The following TMEM130 variants were observed in gnomAD, a reference collection of about 807,000 sequenced individuals.
TMEM130 encodes transmembrane protein 130.
A neutral mutation model predicts 42.9 loss-of-function variants in TMEM130; 37 were observed. The observed-to-expected ratio is 0.86, with a 90% CI of 0.66 to 1.13. The LOEUF is 1.13. Among genes scored for constraint, TMEM130 ranks in the 50% most tolerant of loss-of-function variants. The pLI is 0.00. For synonymous variants in TMEM130, 259 were observed against 237.7 expected (o/e 1.09, Z -0.82); for missense variants, 545 against 562.6 (o/e 0.97, Z 0.32).
intron 7 of TMEM130, 64 bp downstream of exon 7, chr7:98,848,519 C>T (rs1554397727): frequency 1.7e-6 from 2 of 1,194,264 alleles, no homozygotes. Flanking sequence ...GCCCCCATAC[C>T]CTCTCTAAAC....
rs1554397576 is a variant in TMEM130 at position 98,847,862 on chromosome 7, G to A, written c.*194C>T. The A allele has an allele frequency of 3.4e-6, 2 of 583,400 alleles. No homozygotes were observed. Among genetic ancestry groups the A allele is most frequent in the African/African-American group, 1.9e-5 (1 of 53,452 alleles). The allele number at this position is 583,400 out of a possible 1,614,324, so 36.1% of individuals were successfully genotyped here. A position where few individuals can be genotyped will look rare whatever the true frequency, so the allele number is the denominator to read the frequency against. ...TGTCAGTGGCTGGACTGTACAGATG[G>A]GTGAATGGCTGGGGTCAGGGGTGAC... On this transcript the variant is annotated 3_prime_UTR_variant, in exon 8 of 8. Transcript: ENST00000339375.
Position 98,861,680 on chromosome 7 carries a change from C to A in TMEM130, c.392-1342G>T, listed in dbSNP as rs577114741. Reference sequence around the variant, plus strand: ...AGTGAGCCAAGATCACAGCACCACTCCAGCCTGGGCAACAGAAGGAGACTC... The same window carrying A: ...AGTGAGCCAAGATCACAGCACCACTACAGCCTGGGCAACAGAAGGAGACTC... On this transcript the variant is annotated intron_variant, in intron 2 of 7. Transcript: ENST00000339375. Among the ~76,000 whole-genome samples the A allele has an allele frequency of 2.0e-5, 3 of 152,162 alleles. No homozygotes were observed. The South Asian group carries it at 6.2e-4, about 32-fold the overall frequency.
rs1794829567 is a variant in TMEM130, at chr7:98,863,270, G to A, written c.216C>T (p.Phe72=). The A allele has an allele frequency of 5.0e-6, 8 of 1,613,776 alleles. No individual in the cohort carries two copies. Among genetic ancestry groups the A allele is most frequent in the African/African-American group, 1.3e-5 (1 of 74,912 alleles). Residue 72 remains phenylalanine, a synonymous_variant, in exon 2 of 8, where the codon TTC becomes TTT. Coordinates refer to ENST00000339375, the MANE Select transcript of TMEM130 (RefSeq NM_152913.3). The part of the protein sequence containing the change: ...ALPADAHLYR[F]HWIHTPLVLT... ...GCACCAGCGGGGTGTGGATCCAGTG[G>A]AAGCGGTAGAGGTGGGCGTCAGCGG...
intron 6 of TMEM130, among the ~76,000 whole-genome samples, chr7:98,850,350 T>C (rs1794472227): frequency 6.8e-6 from 1 of 147,780 alleles, no homozygotes; most frequent in African/African-American, 2.5e-5. Flanking sequence ...CAATCTCAGC[T>C]CACTGCAACC....
Position 98,860,189 on chromosome 7 carries a change from A to T in TMEM130, c.541T>A (p.Phe181Ile). ...GGGGTAAGGACCTACCCGTCCCCGA[A>T]GTCCCAGCTGTAGAGAAACAAGGCG... is the stretch of plus-strand genomic sequence containing the variant. Reference protein sequence around the residue: ...KTALFLYSWDFGDGTQMVTED... With the variant: ...KTALFLYSWDIGDGTQMVTED... Residue 181 changes from phenylalanine to isoleucine, a missense_variant, in exon 3 of 8, where the codon TTC (phenylalanine) becomes ATC (isoleucine). Phe to Ile is a conservative substitution (Grantham distance 21). Transcript: ENST00000339375. 1 of 1,613,226 alleles carries T rather than the reference A, an allele frequency of 6.2e-7. No homozygotes were observed.
rs994759857 is a variant in TMEM130, at chr7:98,848,609, C to A, written c.1093G>T (p.Ala365Ser). ...TCCACCATGTCCTTTTGCTGAGTGG[C>A]ATTCCGCAGGGTCATGTACATGATG... ...AFIMYMTLRN[A>S]TQQKDMVENP... Residue 365 changes from alanine to serine, a missense_variant, in exon 7 of 8, where the codon GCC becomes TCC. Physicochemically the swap from Ala to Ser is moderately conservative, Grantham distance 99. Coordinates refer to ENST00000339375, the MANE Select transcript of TMEM130 (RefSeq NM_152913.3). 4 of 1,613,766 alleles carry A rather than the reference C, an allele frequency of 2.5e-6. No individual in the cohort carries two copies. Among genetic ancestry groups the A allele is most frequent in the Non-Finnish European group, 3.4e-6 (4 of 1,179,674 alleles).
intron 5 of TMEM130, 107 bp downstream of exon 5, chr7:98,855,133 G>A (rs1584236921): frequency 1.1e-6 from 1 of 941,878 alleles, no homozygotes; most frequent in Admixed American, 2.7e-5. Context: ...CTTCCATGAG[G>A]TCCCAGACCT....
intron 5 of TMEM130, among the ~76,000 whole-genome samples, chr7:98,854,046 T>C (rs1554398607): frequency 6.6e-6 from 1 of 150,454 alleles, no homozygotes; most frequent in African/African-American, 2.4e-5. Flanking sequence ...TTTTTTGTTT[T>C]TTTTTTTTTT....
chr7:98,869,394 A>C lies in TMEM130; in HGVS notation c.85+383T>G. The C allele has an allele frequency of 1.4e-5, 17 of 1,188,076 alleles. No individual in the cohort carries two copies. The highest frequency in any genetic ancestry group is 1.6e-5 in the African/African-American group (1 of 61,378). The allele number at this position is 1,188,076 out of a possible 1,614,324, so 73.6% of individuals were successfully genotyped here. ...CCCGTGCTCCCTGGGGGACTGGGGAATTGTGGCGCGATGACGGACCCTGGC... is the reference window on the plus strand; with the variant it reads ...CCCGTGCTCCCTGGGGGACTGGGGACTTGTGGCGCGATGACGGACCCTGGC... On this transcript the variant is annotated intron_variant, in intron 1 of 7. Transcript: ENST00000339375. The surrounding 1 kb of genome is among the most constrained non-coding windows in gnomAD (Gnocchi z 4.7).
At chr7:98,849,045 A>C (rs1273641727) in intron 6 of TMEM130, among the ~76,000 whole-genome samples, 1 of 152,156 alleles carries the variant, frequency 6.6e-6, no homozygotes, top group Non-Finnish European at 1.5e-5. Context: ...CCTGAGTCTA[A>C]GCCATAAGAG....
At chr7:98,850,279 T>A (rs1554398026) in intron 6 of TMEM130, among the ~76,000 whole-genome samples, 11 of 73,538 alleles carry the variant, frequency 1.5e-4, no homozygotes, top group Non-Finnish European at 3.7e-4. Flanking sequence ...ATATATTTTT[T>A]TTTTTTTTTA....
chr7:98,850,530 C>T (rs576269747), intron 6 of TMEM130, among the ~76,000 whole-genome samples: 29 of 151,850 alleles, frequency 1.9e-4, no homozygotes, highest in Non-Finnish European at 3.7e-4. Flanking sequence ...CCACCCACCT[C>T]GGCCTCTCAA....
intron 2 of TMEM130, among the ~76,000 whole-genome samples, chr7:98,862,645 C>T (rs1794808217): frequency 6.6e-6 from 1 of 151,894 alleles, no homozygotes; most frequent in Non-Finnish European, 1.5e-5. Context: ...ATTATAGGTG[C>T]CCACCACCAT....
intron 3 of TMEM130, among the ~76,000 whole-genome samples, chr7:98,857,414 G>A (rs182472125): frequency 2.6e-5 from 4 of 152,118 alleles, no homozygotes; most frequent in Admixed American, 6.5e-5. Flanking sequence ...CACATTCCAC[G>A]TTTTGCCAGG....
intron 6 of TMEM130, among the ~76,000 whole-genome samples, chr7:98,850,273 A>ATTTTTTTTTTTTTTTTT (rs1554398023): frequency 1.1e-4 from 4 of 35,440 alleles, no homozygotes; most frequent in Non-Finnish European, 1.9e-4. Flanking sequence ...ATATATATAT[A>ATTTTTTTTTTTTTTTTT]TTTTTTTTTT....
At chr7:98,856,697 A>G (rs1460672873) in intron 3 of TMEM130, among the ~76,000 whole-genome samples, 13 of 151,832 alleles carry the variant, frequency 8.6e-5, no homozygotes, top group Admixed American at 7.9e-4. Flanking sequence ...AGGTCTTACT[A>G]TGTTGCCCAG....
chr7:98,854,561 A>G (rs1794585375), intron 5 of TMEM130, among the ~76,000 whole-genome samples: 1 of 152,218 alleles, frequency 6.6e-6, no homozygotes, highest in South Asian at 2.1e-4. Context: ...CAACATAGTG[A>G]GAACCCATCT....
chr7:98,855,287 T>G lies in TMEM130; in HGVS notation c.756A>C (p.Leu252=). 1 of 1,613,454 alleles carries G rather than the reference T, an allele frequency of 6.2e-7. No homozygotes were observed. The highest frequency in any genetic ancestry group is 1.1e-5 in the South Asian group (1 of 90,946). ...LRGIQVLGPT[L]IQTFQKMTVT... ...CGGTCATCTTTTGGAAGGTCTGAAT[T>G]AGGGTGGGCCCCAACACTTGGATGC... is the stretch of plus-strand genomic sequence containing the variant. Residue 252 remains leucine (L), a synonymous_variant, in exon 5 of 8, where the codon CTA becomes CTC. Transcript: ENST00000339375.
At position 98,868,204 on chromosome 7, in the gene TMEM130, G is replaced by A. The variant is rs565875580; in HGVS notation, c.85+1573C>T. 6.2e-4 allele frequency among the ~76,000 whole-genome samples: 94 copies of A among 152,330 alleles called. 1 individual carries two copies. Among genetic ancestry groups the A allele is most frequent in the South Asian group, 1.2e-3 (6 of 4,822 alleles). On this transcript the variant is annotated intron_variant, in intron 1 of 7. Coordinates refer to ENST00000339375, the MANE Select transcript of TMEM130 (RefSeq NM_152913.3). ...AGATTGTGCCACTGCACTCCAGCCTGGGTGACAGAGCAAGACTGCATCTCA... is the reference window on the plus strand; with the variant it reads ...AGATTGTGCCACTGCACTCCAGCCTAGGTGACAGAGCAAGACTGCATCTCA...
Sources: allele counts gnomAD v4.1 joint callset (sites outside exome capture counted in the v4.1 genomes callset), GRCh38; gene constraint gnomAD v4.1.1; non-coding constraint Gnocchi (gnomAD v3.1); transcripts MANE v1.5; gene names NCBI Gene and HGNC (gene_info 2026-07-23, HGNC 2026-07-21).